RARB: variants seen among roughly 807,000 people sequenced by gnomAD.
The protein encoded by RARB is retinoic acid receptor beta.
A neutral mutation model predicts 51.9 loss-of-function variants in RARB; 17 were observed. That is an observed-to-expected ratio of 0.33 (90% CI 0.22 to 0.49). The LOEUF is 0.49. Among genes scored for constraint, RARB ranks in the 20% least tolerant of loss-of-function variants. The pLI, the probability that RARB is intolerant of heterozygous loss-of-function variation, is 0.99. For synonymous variants in RARB, 215 were observed against 195.4 expected, an observed-to-expected ratio of 1.10 and a Z score of -0.84; for missense variants, 369 against 550.8, an observed-to-expected ratio of 0.67 and a Z score of 3.30.
intron 3 of RARB, among the ~76,000 whole-genome samples, chr3:25,069,638 ACCGTAGCTCCTT>A (rs1698729869): frequency 6.6e-6 from 1 of 152,170 alleles, no homozygotes; most frequent in Non-Finnish European, 1.5e-5. Flanking sequence ...AGGGAACTGC[ACCGTAGCTCCTT>A]GTGTATACAC....
rs1229281611 is a variant in RARB at position 25,596,507 on chromosome 3, A to C, written c.1238A>C (p.His413Pro). The C allele has an allele frequency of 6.2e-7, 1 of 1,613,346 alleles. No individual in the cohort carries two copies. The highest frequency in any genetic ancestry group is 1.3e-5 in the African/African-American group (1 of 74,886). ...GAAATGCTGGAGAATTCTGAAGGAC[A>C]TGAACCCTTGACCCCAAGTTCAAGT... ...IQEMLENSEG[H>P]EPLTPSSSGN... The change falls in exon 8 of 8, where the codon CAT (histidine) becomes CCT (proline). Residue 413 changes from histidine (H) to proline (P), a missense_variant. By Grantham distance (77) the His-to-Pro change is moderately conservative (BLOSUM62 -2). Coordinates refer to ENST00000330688, the MANE Select transcript of RARB (RefSeq NM_000965.5).
At chr3:24,881,367 C>G (rs1703155811) in intron 2 of RARB, among the ~76,000 whole-genome samples, 1 of 152,132 alleles carries the variant, frequency 6.6e-6, no homozygotes, top group South Asian at 2.1e-4. Context: ...AACTGCTGAA[C>G]TAAGCAATTA....
chr3:24,971,696 T>G (rs948451877), intron 2 of RARB, among the ~76,000 whole-genome samples: 2 of 152,042 alleles, frequency 1.3e-5, no homozygotes, highest in Admixed American at 1.3e-4. Context: ...GGCTTCAGCT[T>G]TCTGGAACAG....
At chr3:25,328,950 C>T (rs1704808495) in intron 5 of RARB, among the ~76,000 whole-genome samples, 1 of 152,222 alleles carries the variant, frequency 6.6e-6, no homozygotes, top group South Asian at 2.1e-4. Context: ...TGAGATCGAA[C>T]TGCAAGGTGG....
intron 5 of RARB, among the ~76,000 whole-genome samples, chr3:25,222,054 C>G (rs1701959779): frequency 6.6e-6 from 1 of 152,150 alleles, no homozygotes; most frequent in South Asian, 2.1e-4. Context: ...AGCTATCACT[C>G]TCATTAAGTT....
At position 25,215,261 on chromosome 3, in the gene RARB, T is replaced by A. The variant is rs376814521; in HGVS notation, c.178+40686T>A. On this transcript the variant is annotated intron_variant, in intron 5 of 11. Transcript: ENST00000383772. ...TTGAGAACCACAGACTAAGATGAAA[T>A]GTCTTTGTAGACAGAAAAATTAAAC... 2.6e-5 allele frequency among the ~76,000 whole-genome samples: 4 copies of A among 152,340 alleles called. No homozygotes were observed. In the South Asian group the frequency reaches 6.2e-4, roughly 24 times the overall value.
intron 2 of RARB, among the ~76,000 whole-genome samples, chr3:25,034,343 A>T (rs149216453): frequency 6.6e-6 from 1 of 152,320 alleles, no homozygotes; most frequent in African/African-American, 2.4e-5. Context: ...GATATATTTC[A>T]GATCTCTCAG....
At chr3:25,123,619 A>G (rs1329196725) in intron 3 of RARB, among the ~76,000 whole-genome samples, 1 of 152,110 alleles carries the variant, frequency 6.6e-6, no homozygotes, top group Non-Finnish European at 1.5e-5. Flanking sequence ...TCATTCCCTT[A>G]TGTTTCTCCT....
intron 3 of RARB, among the ~76,000 whole-genome samples, chr3:25,098,448 G>A (rs1179541453): frequency 6.6e-6 from 1 of 152,136 alleles, no homozygotes; most frequent in East Asian, 1.9e-4. Flanking sequence ...GAAGTCAGTG[G>A]TGCAGAGTGA....
At chr3:25,342,351 C>CA (rs1705254795) in intron 5 of RARB, among the ~76,000 whole-genome samples, 2 of 152,236 alleles carry the variant, frequency 1.3e-5, no homozygotes, top group African/African-American at 4.8e-5. Flanking sequence ...ACTTGGATGC[C>CA]AACCCTTTCA....
chr3:25,114,124 G>A (rs939318826), intron 3 of RARB, among the ~76,000 whole-genome samples: 1 of 152,190 alleles, frequency 6.6e-6, no homozygotes, highest in Non-Finnish European at 1.5e-5. Flanking sequence ...TGTAAGGAGA[G>A]GTAGAGGTGG....
intron 2 of RARB, among the ~76,000 whole-genome samples, chr3:24,966,170 C>T (rs1030607193): frequency 6.6e-6 from 1 of 150,800 alleles, no homozygotes; most frequent in Non-Finnish European, 1.5e-5. Flanking sequence ...ATTTTTACTA[C>T]TTGATTGTAG....
chr3:24,884,408 C>T (rs1246706777), intron 2 of RARB, among the ~76,000 whole-genome samples: 2 of 152,092 alleles, frequency 1.3e-5, no homozygotes, highest in East Asian at 3.9e-4. Flanking sequence ...TTTTTTCAAG[C>T]CATGCATGCA....
At chr3:25,482,764 C>T (rs1280349932) in intron 2 of RARB, among the ~76,000 whole-genome samples, 1 of 151,866 alleles carries the variant, frequency 6.6e-6, no homozygotes, top group Admixed American at 6.6e-5. Context: ...TGGTCTCGAT[C>T]TCCTGACCTC....
At chr3:25,086,722 G>A (rs1211410019) in intron 3 of RARB, among the ~76,000 whole-genome samples, 1 of 152,068 alleles carries the variant, frequency 6.6e-6, no homozygotes, top group Non-Finnish European at 1.5e-5. Context: ...GGCACTTCCA[G>A]GTCACAGGTG....
intron 2 of RARB, among the ~76,000 whole-genome samples, chr3:24,904,714 T>C (rs1289083110): frequency 6.6e-6 from 1 of 152,218 alleles, no homozygotes. Context: ...CATGCACACG[T>C]ATGTTTACTG....
At chr3:25,201,711 C>T (rs1022729156) in intron 5 of RARB, among the ~76,000 whole-genome samples, 3 of 152,132 alleles carry the variant, frequency 2.0e-5, no homozygotes, top group African/African-American at 7.2e-5. Flanking sequence ...GTCGTTGGTT[C>T]TGTTTATATG....
chr3:25,071,791 A>AGTAAGTAG (rs1231704707), intron 3 of RARB, among the ~76,000 whole-genome samples: 1 of 152,204 alleles, frequency 6.6e-6, no homozygotes, highest in Non-Finnish European at 1.5e-5. Context: ...AAAGTAATAA[A>AGTAAGTAG]GTAAGTAGTA....
intron 1 of RARB, among the ~76,000 whole-genome samples, chr3:25,449,612 A>C (rs1188949176): frequency 1.3e-5 from 2 of 152,098 alleles, no homozygotes; most frequent in Non-Finnish European, 2.9e-5. Context: ...CCTTGAACTT[A>C]AGACCATTTA....
Sources: allele counts gnomAD v4.1 joint callset (sites outside exome capture counted in the v4.1 genomes callset), GRCh38; gene constraint gnomAD v4.1.1; transcripts MANE v1.5; gene names NCBI Gene and HGNC (gene_info 2026-07-23, HGNC 2026-07-21).